SNTG1: variants seen among roughly 807,000 people sequenced by gnomAD.
SNTG1 encodes the protein gamma-1-syntrophin.
A neutral mutation model predicts 74.7 loss-of-function variants in SNTG1; 39 were observed. The observed-to-expected ratio is 0.52, with a 90% CI of 0.40 to 0.68. The LOEUF is 0.68. Ranked by LOEUF, SNTG1 falls within the 30% of genes least tolerant of loss-of-function variation. SNTG1 has a pLI of 0.00. For missense variants in SNTG1, 685 were observed against 609.5 expected, an observed-to-expected ratio of 1.12 and a Z score of -1.30; for synonymous variants, 254 against 217.1, an observed-to-expected ratio of 1.17 and a Z score of -1.49.
intron 15 of SNTG1, among the ~76,000 whole-genome samples, chr8:50,686,108 C>T (rs2095351536): frequency 6.6e-6 from 1 of 152,106 alleles, no homozygotes; most frequent in Admixed American, 6.5e-5. Context: ...TTATGGACTA[C>T]TTAATATGTT....
At chr8:50,266,676 G>T (rs368306210) in intron 2 of SNTG1, among the ~76,000 whole-genome samples, 2 of 138,146 alleles carry the variant, frequency 1.4e-5, no homozygotes, top group African/African-American at 5.6e-5. Flanking sequence ...GTGTGTGTGT[G>T]TGTGTGTGTA....
At chr8:50,445,456 C>T (rs913805691) in intron 5 of SNTG1, among the ~76,000 whole-genome samples, 2 of 152,126 alleles carry the variant, frequency 1.3e-5, no homozygotes, top group Non-Finnish European at 2.9e-5. Flanking sequence ...ACTCCTGATG[C>T]TCTAAAAGCA....
chr8:50,024,785 G>A (rs116522030), intron 1 of SNTG1, among the ~76,000 whole-genome samples: 178 of 152,190 alleles, frequency 1.2e-3, no homozygotes, highest in African/African-American at 3.5e-3. Context: ...TCCTACTTGC[G>A]ATGATGGAAG....
chr8:50,043,231 G>A (rs1291216104), intron 1 of SNTG1, among the ~76,000 whole-genome samples: 1 of 152,140 alleles, frequency 6.6e-6, no homozygotes, highest in Non-Finnish European at 1.5e-5. Flanking sequence ...ATATTAGCAA[G>A]TCTAAATTGA....
intron 13 of SNTG1, among the ~76,000 whole-genome samples, chr8:50,628,533 T>C (rs1012519491): frequency 5.3e-5 from 8 of 151,736 alleles, no homozygotes; most frequent in African/African-American, 1.9e-4. Flanking sequence ...ATTTATCTTT[T>C]ACTTCCATTT....
At chr8:49,963,354 T>C (rs991638647) in intron 1 of SNTG1, among the ~76,000 whole-genome samples, 2 of 152,206 alleles carry the variant, frequency 1.3e-5, no homozygotes, top group Admixed American at 6.5e-5. Flanking sequence ...ATTGCCCAAC[T>C]GTGATCTTGG....
At chr8:50,385,788 T>A (rs1358762056) in intron 2 of SNTG1, among the ~76,000 whole-genome samples, 1 of 152,140 alleles carries the variant, frequency 6.6e-6, no homozygotes, top group Non-Finnish European at 1.5e-5. Context: ...CCAAGGGATA[T>A]GTTCATTTGC....
At chr8:50,350,536 T>C (rs1257233441) in intron 2 of SNTG1, among the ~76,000 whole-genome samples, 6 of 151,224 alleles carry the variant, frequency 4.0e-5, no homozygotes, top group African/African-American at 1.5e-4. Flanking sequence ...CCACACTCTA[T>C]ATCTAGCTAC....
intron 2 of SNTG1, among the ~76,000 whole-genome samples, chr8:50,318,681 T>A (rs2090409187): frequency 1.3e-5 from 2 of 152,212 alleles, no homozygotes. Context: ...TTTCTGTCAA[T>A]TCCTGAATTG....
At chr8:50,086,455 A>T (rs1822897067) in intron 1 of SNTG1, among the ~76,000 whole-genome samples, 1 of 152,202 alleles carries the variant, frequency 6.6e-6, no homozygotes, top group Non-Finnish European at 1.5e-5. Context: ...AAGGGTCAAT[A>T]TGATGTAATA....
intron 8 of SNTG1, among the ~76,000 whole-genome samples, chr8:50,463,348 C>A (rs1046958003): frequency 6.6e-6 from 1 of 152,170 alleles, no homozygotes; most frequent in African/African-American, 2.4e-5. Flanking sequence ...CCAGATCCCT[C>A]GTAGGAATCA....
At chr8:50,505,146 T>C (rs966062948) in intron 9 of SNTG1, among the ~76,000 whole-genome samples, 2 of 152,198 alleles carry the variant, frequency 1.3e-5, no homozygotes, top group Admixed American at 6.5e-5. Context: ...CTCATCTATG[T>C]TGTAGAATAG....
intron 1 of SNTG1, among the ~76,000 whole-genome samples, chr8:50,050,432 C>A (rs1819470815): frequency 6.6e-6 from 1 of 151,954 alleles, no homozygotes; most frequent in Non-Finnish European, 1.5e-5. Flanking sequence ...GGTTCTATAT[C>A]TATTAATGAA....
intron 1 of SNTG1, among the ~76,000 whole-genome samples, chr8:49,931,811 C>A (rs1374666759): frequency 6.6e-6 from 1 of 152,092 alleles, no homozygotes; most frequent in Non-Finnish European, 1.5e-5. Flanking sequence ...ATTATGATTC[C>A]ATTCAAATGA....
chr8:50,558,236 A>T (rs1349740467), intron 12 of SNTG1, among the ~76,000 whole-genome samples: 4 of 152,316 alleles, frequency 2.6e-5, no homozygotes, highest in Admixed American at 6.5e-5. Flanking sequence ...CCCAGGCTCC[A>T]TGGCAGCAGC....
chr8:50,673,533 T>C (rs1392146427), intron 15 of SNTG1, among the ~76,000 whole-genome samples: 1 of 152,172 alleles, frequency 6.6e-6, no homozygotes, highest in Admixed American at 6.6e-5. Flanking sequence ...TTTTGTATGT[T>C]GAGACTTTGC....
At chr8:50,776,509 T>A (rs1563827998) in intron 18 of SNTG1, among the ~76,000 whole-genome samples, 1 of 147,776 alleles carries the variant, frequency 6.8e-6, no homozygotes, top group Non-Finnish European at 1.5e-5. Context: ...TATAGATATA[T>A]TATGTCTTAT....
At chr8:50,587,720 G>A (rs1390230114) in intron 12 of SNTG1, among the ~76,000 whole-genome samples, 5 of 151,836 alleles carry the variant, frequency 3.3e-5, no homozygotes, top group Non-Finnish European at 5.9e-5. Flanking sequence ...GGCTACGCGC[G>A]AGGGTGAGGC....
At chr8:49,914,208 G>A (rs1217140861) in intron 1 of SNTG1, among the ~76,000 whole-genome samples, 7 of 152,006 alleles carry the variant, frequency 4.6e-5, no homozygotes, top group Admixed American at 4.6e-4. Context: ...TTATTGCACA[G>A]AATCACTTGT....
Sources: allele counts gnomAD v4.1 joint callset (sites outside exome capture counted in the v4.1 genomes callset), GRCh38; gene constraint gnomAD v4.1.1; transcripts MANE v1.5; gene names NCBI Gene and HGNC (gene_info 2026-07-23, HGNC 2026-07-21).